ROR1: variants seen among roughly 807,000 people sequenced by gnomAD.
ROR1 encodes inactive tyrosine-protein kinase transmembrane receptor ROR1.
A neutral mutation model predicts 78.8 loss-of-function variants in ROR1; 19 were observed. The observed-to-expected ratio is 0.24, with a 90% confidence interval of 0.17 to 0.35. The LOEUF is 0.35. Ranked by LOEUF, ROR1 falls within the 10% of genes least tolerant of loss-of-function variation. The pLI, the probability that ROR1 is intolerant of heterozygous loss-of-function variation, is 1.00. For missense variants in ROR1, 917 were observed against 1,177.8 expected, an observed-to-expected ratio of 0.78 and a Z score of 3.24; for synonymous variants, 386 against 433.6, an observed-to-expected ratio of 0.89 and a Z score of 1.36.
At chr1:63,930,049 G>T (rs1645738938) in intron 1 of ROR1, among the ~76,000 whole-genome samples, 1 of 152,050 alleles carries the variant, frequency 6.6e-6, no homozygotes, top group Non-Finnish European at 1.5e-5. Context: ...ACATGCCATG[G>T]TTGTTTGCTG....
chr1:63,792,998 C>G (rs1252869325), intron 1 of ROR1, among the ~76,000 whole-genome samples: 1 of 152,240 alleles, frequency 6.6e-6, no homozygotes, highest in Non-Finnish European at 1.5e-5. Context: ...CTGTAATCCT[C>G]AGACCCAGAA....
chr1:63,877,329 C>T (rs1186142178), intron 1 of ROR1, among the ~76,000 whole-genome samples: 2 of 152,106 alleles, frequency 1.3e-5, no homozygotes, highest in African/African-American at 4.8e-5. Context: ...CTCTGCTGCT[C>T]AATGTGTGAT....
At chr1:64,078,252 T>C (rs1250530412) in intron 4 of ROR1, among the ~76,000 whole-genome samples, 1 of 152,148 alleles carries the variant, frequency 6.6e-6, no homozygotes, top group Non-Finnish European at 1.5e-5. Context: ...GAAAATGGCA[T>C]GTGAGGGTCT....
At chr1:63,870,442 G>C (rs1645244462) in intron 1 of ROR1, among the ~76,000 whole-genome samples, 1 of 152,090 alleles carries the variant, frequency 6.6e-6, no homozygotes, top group South Asian at 2.1e-4. Flanking sequence ...TAAATCTTGA[G>C]GCATCGCCTA....
intron 1 of ROR1, among the ~76,000 whole-genome samples, chr1:63,958,504 GA>G (rs1337705179): frequency 6.6e-6 from 1 of 152,168 alleles, no homozygotes; most frequent in African/African-American, 2.4e-5. Context: ...TATTTAGAAA[GA>G]ATTGTAAATT....
chr1:64,083,698 G>C (rs149303262), intron 4 of ROR1, among the ~76,000 whole-genome samples: 5 of 152,096 alleles, frequency 3.3e-5, no homozygotes, highest in Non-Finnish European at 7.3e-5. Flanking sequence ...ACGGAAGAGA[G>C]AAACCTCTTT....
chr1:63,805,422 A>G (rs1644822714), intron 1 of ROR1, among the ~76,000 whole-genome samples: 1 of 152,246 alleles, frequency 6.6e-6, no homozygotes, highest in Non-Finnish European at 1.5e-5. Flanking sequence ...AGAAACATGT[A>G]GACAGCAGAA....
chr1:63,813,060 A>G (rs1017025652), intron 1 of ROR1, among the ~76,000 whole-genome samples: 3 of 152,058 alleles, frequency 2.0e-5, no homozygotes, highest in Non-Finnish European at 4.4e-5. Context: ...ATAGAAACAA[A>G]TGGCAAAAAA....
intron 1 of ROR1, among the ~76,000 whole-genome samples, chr1:63,892,131 A>G (rs1316843732): frequency 6.6e-6 from 1 of 152,206 alleles, no homozygotes; most frequent in Non-Finnish European, 1.5e-5. Context: ...GACCATGAAT[A>G]GTGCTAGGTG....
intron 4 of ROR1, among the ~76,000 whole-genome samples, chr1:64,051,640 G>GT (rs1270951054): frequency 6.6e-6 from 1 of 151,928 alleles, no homozygotes. Flanking sequence ...TTGTTGATGC[G>GT]TTTGTCATTT....
chr1:64,119,455 A>G (rs1569802245), intron 4 of ROR1, among the ~76,000 whole-genome samples: 1 of 152,044 alleles, frequency 6.6e-6, no homozygotes, highest in Non-Finnish European at 1.5e-5. Flanking sequence ...CCTGGCCAAC[A>G]TGGTGAAACC....
intron 3 of ROR1, 111 bp downstream of exon 3, chr1:64,050,089 C>A: frequency 8.1e-7 from 1 of 1,227,518 alleles, no homozygotes; most frequent in Non-Finnish European, 1.1e-6. Context: ...AGAATGTACT[C>A]TGTGCCCACA....
At chr1:63,842,164 G>A (rs993657279) in intron 1 of ROR1, among the ~76,000 whole-genome samples, 2 of 151,976 alleles carry the variant, frequency 1.3e-5, no homozygotes, top group African/African-American at 4.8e-5. Context: ...TTCTACATTT[G>A]GCCATTCACC....
chr1:64,176,083 A>C (rs548168044), intron 8 of ROR1, among the ~76,000 whole-genome samples: 1 of 152,380 alleles, frequency 6.6e-6, no homozygotes, highest in African/African-American at 2.4e-5. Flanking sequence ...TTAAAATAGT[A>C]AAAACATATA....
chr1:63,806,941 C>A (rs143298485), intron 1 of ROR1, among the ~76,000 whole-genome samples: 2 of 152,294 alleles, frequency 1.3e-5, no homozygotes, highest in East Asian at 3.9e-4. Context: ...GAGGGCCTGT[C>A]ATTTTTCAGG....
At chr1:64,121,259 A>T (rs79806015) in intron 4 of ROR1, among the ~76,000 whole-genome samples, 89,216 of 134,762 alleles carry the variant, frequency 0.66, 29,666 homozygotes, top group East Asian at 0.96. Flanking sequence ...CCTTCCTTCC[A>T]TCCTCCTGTT....
intron 1 of ROR1, among the ~76,000 whole-genome samples, chr1:63,879,863 G>T (rs1458645266): frequency 6.6e-6 from 1 of 152,214 alleles, no homozygotes; most frequent in African/African-American, 2.4e-5. Flanking sequence ...AATAGAAATA[G>T]AATGATCTAA....
At chr1:64,159,563 A>G (rs1649878471) in intron 8 of ROR1, among the ~76,000 whole-genome samples, 1 of 152,198 alleles carries the variant, frequency 6.6e-6, no homozygotes, top group South Asian at 2.1e-4. Context: ...AAGATCCATC[A>G]TTGTTCACAA....
chr1:63,843,493 C>T (rs1177419707), intron 1 of ROR1: 5 of 758,726 alleles, frequency 6.6e-6, no homozygotes, highest in Admixed American at 5.3e-5. Flanking sequence ...GTGTAGGGGT[C>T]GTCGATGGTC....
Sources: gnomAD v4.1 joint callset for allele counts (sites outside exome capture counted in the v4.1 genomes callset) on GRCh38, gnomAD v4.1.1 for gene constraint, MANE v1.5 for transcripts, NCBI Gene and HGNC (gene_info 2026-07-23, HGNC 2026-07-21) for gene names.